The following GET1 variants were observed in gnomAD, a reference collection of about 807,000 sequenced individuals.
GET1 encodes the protein guided entry of tail-anchored proteins factor 1.
A neutral mutation model predicts 22.6 loss-of-function variants in GET1; 20 were observed. The ratio of observed to expected loss-of-function variants is 0.89; its 90% CI spans 0.62 to 1.29. The LOEUF is 1.29. GET1 is among the 50% of genes most tolerant of loss of function. The probability of loss-of-function intolerance (pLI) is 0.00; values close to 1 mark genes in which losing one functional copy is unlikely to be tolerated. For missense variants in GET1, 209 were observed against 219.9 expected (o/e 0.95, Z 0.31); for synonymous variants, 92 against 83.8 (o/e 1.10, Z -0.53).
At chr21:39,417,598 G>A (rs1336505320) in intron 1 of GET1, among the ~76,000 whole-genome samples, 2 of 152,064 alleles carry the variant, frequency 1.3e-5, no homozygotes, top group Admixed American at 6.5e-5. Context: ...CTGAGTCTAG[G>A]TAATTTATAA....
chr21:39,387,698 C>T (rs1389046279), intron 1 of GET1: 3 of 786,528 alleles, frequency 3.8e-6, no homozygotes, highest in South Asian at 5.7e-5. Context: ...CACTCCCCCC[C>T]CCCACTTTTG....
intron 1 of GET1, chr21:39,380,979 T>C (rs2037521222): frequency 1.0e-6 from 1 of 984,836 alleles, no homozygotes; most frequent in Non-Finnish European, 1.2e-6. Context: ...ATGCCTTCAG[T>C]ATCCAAGGGA....
rs1023245662 is a variant in GET1 at position 39,397,320 on chromosome 21, T to G, written c.*381T>G. ...TTAAGTAAGTTCTTTGAAGACTTAG[T>G]GCTGTTTTTAATCCAGTTTAGAAAG... is the stretch of plus-strand genomic sequence containing the variant. On this transcript the variant is annotated 3_prime_UTR_variant, in exon 5 of 5. Transcript: ENST00000649170. 9 of 175,052 alleles carry G rather than the reference T, an allele frequency of 5.1e-5. No homozygotes were observed. The highest frequency in any genetic ancestry group is 2.1e-4 in the African/African-American group (9 of 42,134). The allele number at this position is 175,052 out of a possible 1,614,324, so 10.8% of individuals were successfully genotyped here.
At chr21:39,391,701 C>T in intron 2 of GET1, 68 bp from the exon 3 acceptor site, 1 of 1,408,248 alleles carries the variant, frequency 7.1e-7, no homozygotes, top group Non-Finnish European at 1.0e-6. Flanking sequence ...AATAACATTT[C>T]TGTGTATTTG....
chr21:39,417,095 C>T (rs181843432), intron 1 of GET1, among the ~76,000 whole-genome samples: 6 of 152,306 alleles, frequency 3.9e-5, no homozygotes, highest in African/African-American at 9.6e-5. Context: ...TGCAATGGCA[C>T]GATCTTAGCT....
intron 3 of GET1, 69 bp from the exon 4 acceptor site, chr21:39,393,097 T>C (rs2038413595): frequency 7.4e-7 from 1 of 1,342,952 alleles, no homozygotes; most frequent in South Asian, 1.2e-5. Flanking sequence ...CGCATTTCCC[T>C]GTCCTCCCTT....
intron 1 of GET1, among the ~76,000 whole-genome samples, chr21:39,427,523 G>A (rs1182605185): frequency 2.6e-5 from 4 of 152,010 alleles, no homozygotes; most frequent in South Asian, 2.1e-4. Flanking sequence ...TTAGCCGGGC[G>A]TGGTGGTGGG....
chr21:39,427,687 A>G (rs1247414140), intron 1 of GET1: 1 of 152,188 alleles, frequency 6.6e-6, no homozygotes, highest in Non-Finnish European at 1.5e-5. Flanking sequence ...AAAATCTACA[A>G]AGAAATGACA....
intron 2 of GET1, chr21:39,391,521 T>G (rs995443732): frequency 2.3e-6 from 1 of 433,856 alleles, no homozygotes; most frequent in Non-Finnish European, 4.2e-6. Flanking sequence ...ATTTCATGAG[T>G]CGTTTTAAGA....
chr21:39,384,927 T>G (rs1165229109), intron 1 of GET1, among the ~76,000 whole-genome samples: 2 of 152,058 alleles, frequency 1.3e-5, no homozygotes, highest in African/African-American at 4.8e-5. Flanking sequence ...ATAACATAAT[T>G]ATTATCCCAG....
chr21:39,420,822 A>C, intron 1 of GET1: 1 of 1,612,634 alleles, frequency 6.2e-7, no homozygotes. Flanking sequence ...CTGCAGTTCA[A>C]CCTCAGTTGT....
At chr21:39,424,598 G>T (rs1039406612) in intron 1 of GET1, among the ~76,000 whole-genome samples, 18 of 152,190 alleles carry the variant, frequency 1.2e-4, no homozygotes, top group African/African-American at 4.1e-4. Flanking sequence ...TCAACAATAT[G>T]TTATGGGTAA....
intron 1 of GET1, chr21:39,411,898 G>C: frequency 1.5e-6 from 1 of 649,746 alleles, no homozygotes; most frequent in Non-Finnish European, 2.7e-6. Flanking sequence ...AGTATCCTAT[G>C]AATAAAATCT....
intron 1 of GET1, chr21:39,380,830 G>A (rs2037511029): frequency 2.0e-6 from 2 of 1,008,362 alleles, no homozygotes; most frequent in African/African-American, 3.4e-5. Flanking sequence ...AGCAGCCCTC[G>A]GCCAGGGTTT....
chr21:39,411,587 A>G, downstream of GET1: 1 of 489,054 alleles, frequency 2.0e-6, no homozygotes, highest in Non-Finnish European at 3.7e-6. Flanking sequence ...TTATTCTTCT[A>G]GAATCACAAA....
In GET1 at chr21:39,395,511, C is replaced by T. The variant is rs528017851; in HGVS notation, c.452-1355C>T. Among the ~76,000 whole-genome samples, 937 of 152,080 alleles carry T rather than the reference C, an allele frequency of 6.2e-3. 6 individuals carry two copies. Among genetic ancestry groups the T allele is most frequent in the Non-Finnish European group, 0.011 (772 of 67,960 alleles). On this transcript the variant is annotated intron_variant, in intron 4 of 4. Transcript: ENST00000649170. ...TCCCCGGTAGCTGGGATTACAGGTG[C>T]CCACCACACGCCCGACTAGTTTTTG...
chr21:39,428,242 A>T, exon 2 of GET1: 1 of 1,605,364 alleles, frequency 6.2e-7, no homozygotes, highest in Non-Finnish European at 8.5e-7. Context: ...GCTGCTTTAA[A>T]TAATTTCTAT....
rs752179095 is a variant in GET1, at chr21:39,423,294, T to C, written c.*24-4938T>C. 7 of 1,608,820 alleles carry C rather than the reference T, an allele frequency of 4.4e-6. No homozygotes were observed. In the Admixed American group the frequency reaches 1.0e-4, roughly 23 times the overall value. ...GCCTAAGCTGAAGTTGTTTCAAAAA[T>C]TGGTTTTCTGTAAGGATGGCTTCCA... is the stretch of plus-strand genomic sequence containing the variant. On this transcript the variant is annotated intron_variant, in intron 1 of 1. Transcript: ENST00000478273.
chr21:39,396,484 C>T (rs566915350), intron 4 of GET1, among the ~76,000 whole-genome samples: 10 of 151,346 alleles, frequency 6.6e-5, no homozygotes, highest in South Asian at 6.3e-4. Context: ...GCCAAGATCG[C>T]GCCACTGTAC....
Sources: gnomAD v4.1 joint callset for allele counts (sites outside exome capture counted in the v4.1 genomes callset) on GRCh38, gnomAD v4.1.1 for gene constraint, MANE v1.5 for transcripts, NCBI Gene and HGNC (gene_info 2026-07-23, HGNC 2026-07-21) for gene names.